The following DACH2 variants were observed in gnomAD, a reference collection of about 807,000 sequenced individuals.
The protein encoded by DACH2 is dachshund family transcription factor 2, also known as dachshund homolog 2.
A neutral mutation model predicts 35.8 loss-of-function variants in DACH2; 17 were observed. That is an observed-to-expected ratio of 0.48 (90% confidence interval 0.33 to 0.71). DACH2 has a LOEUF of 0.71. Among genes scored for constraint, DACH2 ranks in the 30% least tolerant of loss-of-function variants. The pLI is 0.02. For synonymous variants in DACH2, 195 were observed against 177.3 expected, an observed-to-expected ratio of 1.10 and a Z score of -0.79; for missense variants, 469 against 472.7, an observed-to-expected ratio of 0.99 and a Z score of 0.07.
chrX:86,415,999 T>A (rs770838680), intron 2 of DACH2, among the ~76,000 whole-genome samples: 1 of 112,021 alleles, frequency 8.9e-6, no homozygotes, highest in Admixed American at 9.5e-5. Flanking sequence ...CTGATAAGAT[T>A]TCTGGTTTGA....
chrX:86,734,229 G>A (rs1255913354), intron 6 of DACH2, among the ~76,000 whole-genome samples: 2 of 110,950 alleles, frequency 1.8e-5, no homozygotes, highest in Non-Finnish European at 3.8e-5. Context: ...CACACAAAGG[G>A]TGTGTGTATT....
At chrX:86,633,477 A>G (rs2040226635) in intron 3 of DACH2, among the ~76,000 whole-genome samples, 1 of 111,666 alleles carries the variant, frequency 9.0e-6, no homozygotes, top group Non-Finnish European at 1.9e-5. Context: ...CGCGACACAC[A>G]CAAAAAAATC....
At chrX:86,366,731 G>A (rs2035812067) in intron 1 of DACH2, among the ~76,000 whole-genome samples, 1 of 110,482 alleles carries the variant, frequency 9.1e-6, no homozygotes, top group Non-Finnish European at 1.9e-5. Flanking sequence ...ATGGTGTGGT[G>A]CCCTACTTAT....
chrX:86,644,643 C>A (rs906631278), intron 3 of DACH2, among the ~76,000 whole-genome samples: 4 of 111,745 alleles, frequency 3.6e-5, no homozygotes, highest in African/African-American at 1.3e-4. Context: ...CTGGAGAAAT[C>A]ACATTACCTG....
At chrX:86,552,166 T>C (rs1188366119) in intron 3 of DACH2, among the ~76,000 whole-genome samples, 8 of 111,766 alleles carry the variant, frequency 7.2e-5, no homozygotes, top group African/African-American at 1.3e-4. Context: ...ACTCTTTCTC[T>C]TTTTTAGCCA....
chrX:86,314,526 AGAG>A (rs1408240389), intron 1 of DACH2, among the ~76,000 whole-genome samples: 2 of 111,471 alleles, frequency 1.8e-5, no homozygotes, highest in Non-Finnish European at 3.8e-5. Flanking sequence ...TGTTAAAAAA[AGAG>A]GAGAGAAATG....
At chrX:86,492,385 T>G (rs1453537486) in intron 2 of DACH2, among the ~76,000 whole-genome samples, 1 of 111,963 alleles carries the variant, frequency 8.9e-6, no homozygotes, top group Non-Finnish European at 1.9e-5. Context: ...TAGAAAATAT[T>G]TCCCTTCTTG....
chrX:86,413,567 G>A (rs749071444), intron 2 of DACH2, among the ~76,000 whole-genome samples: 5 of 112,048 alleles, frequency 4.5e-5, no homozygotes, highest in Non-Finnish European at 9.4e-5. Context: ...GAATAGGGAT[G>A]TAGTGGGAAT....
At chrX:86,272,900 T>C (rs1281188267) in intron 1 of DACH2, among the ~76,000 whole-genome samples, 1 of 111,824 alleles carries the variant, frequency 8.9e-6, no homozygotes, top group Non-Finnish European at 1.9e-5. Context: ...TTGGTTTATG[T>C]TGTATCTGTT....
intron 2 of DACH2, among the ~76,000 whole-genome samples, chrX:86,401,589 C>T (rs1452009712): frequency 9.0e-6 from 1 of 110,998 alleles, no homozygotes; most frequent in East Asian, 2.8e-4. Flanking sequence ...AGTTTCTTGG[C>T]TTTTGCATAA....
At chrX:86,362,192 A>T (rs1227797153) in intron 1 of DACH2, among the ~76,000 whole-genome samples, 2 of 111,384 alleles carry the variant, frequency 1.8e-5, no homozygotes, top group East Asian at 5.6e-4. Context: ...TCAAACAAAA[A>T]GTCAGTCAGA....
chrX:86,514,361 C>T lies in DACH2; in HGVS notation c.610C>T (p.Leu204Phe), dbSNP rs776092739. 9.9e-6 allele frequency: 12 copies of T among 1,208,838 alleles called. No homozygotes were observed. The highest frequency in any genetic ancestry group is 1.2e-5 in the Non-Finnish European group (11 of 894,824). The change falls in exon 3 of 12, where the codon CTC becomes TTC. Residue 204 changes from leucine to phenylalanine, a missense_variant. Transcript: ENST00000373125. Reference protein sequence around the residue: ...ARLLTHAVPGLLSPGLITPTG... With the variant: ...ARLLTHAVPGFLSPGLITPTG... The stretch of plus-strand genomic sequence containing the variant: ...CCTTCTGACCCATGCAGTCCCAGGC[C>T]TCTTATCGCCAGGACTTATCACTCC...
chrX:86,339,458 A>T (rs2035375799), intron 1 of DACH2, among the ~76,000 whole-genome samples: 1 of 112,038 alleles, frequency 8.9e-6, no homozygotes, highest in Non-Finnish European at 1.9e-5. Context: ...TAACAAACAC[A>T]TCCCTTACTA....
At chrX:86,442,489 T>C (rs902169661) in intron 2 of DACH2, among the ~76,000 whole-genome samples, 1 of 108,185 alleles carries the variant, frequency 9.2e-6, no homozygotes, top group Non-Finnish European at 1.9e-5. Context: ...TTTTCTCTCA[T>C]TTTGTAGGTT....
intron 1 of DACH2, among the ~76,000 whole-genome samples, chrX:86,297,369 G>A (rs922899634): frequency 2.7e-5 from 3 of 111,145 alleles, no homozygotes; most frequent in Non-Finnish European, 1.9e-5. Context: ...AAATTAATTT[G>A]TCAGTTGCAG....
chrX:86,669,250 G>C, intron 4 of DACH2, among the ~76,000 whole-genome samples: 1 of 110,313 alleles, frequency 9.1e-6, no homozygotes, highest in East Asian at 2.8e-4. Flanking sequence ...ATTGCCCATT[G>C]ATAATAGTAA....
chrX:86,636,108 C>G (rs1477494569), intron 3 of DACH2, among the ~76,000 whole-genome samples: 1 of 111,090 alleles, frequency 9.0e-6, no homozygotes, highest in Non-Finnish European at 1.9e-5. Context: ...CTCGGGGGAT[C>G]ATGCTACCTG....
chrX:86,635,713 A>G (rs1268418158), intron 3 of DACH2, among the ~76,000 whole-genome samples: 1 of 111,828 alleles, frequency 8.9e-6, no homozygotes, highest in Non-Finnish European at 1.9e-5. Context: ...CATAAAAATT[A>G]CTAACATTCC....
At chrX:86,483,970 T>A (rs73631950) in intron 2 of DACH2, among the ~76,000 whole-genome samples, 2 of 111,956 alleles carry the variant, frequency 1.8e-5, no homozygotes, top group South Asian at 3.7e-4. Context: ...TATGTATACA[T>A]GAGTGTCATA....
Sources: gnomAD v4.1 joint callset for allele counts (sites outside exome capture counted in the v4.1 genomes callset) on GRCh38, gnomAD v4.1.1 for gene constraint, MANE v1.5 for transcripts, NCBI Gene and HGNC (gene_info 2026-07-23, HGNC 2026-07-21) for gene names.